KCTD19: variants seen among roughly 807,000 people sequenced by gnomAD.
The protein encoded by KCTD19 is BTB/POZ domain-containing protein KCTD19.
A neutral mutation model predicts 103.5 loss-of-function variants in KCTD19; 67 were observed. The ratio of observed to expected loss-of-function variants is 0.65; its 90% confidence interval spans 0.53 to 0.79. The LOEUF (loss-of-function observed/expected upper bound fraction) is 0.79. KCTD19 is among the 30% of genes least tolerant of loss of function. The pLI, the probability that KCTD19 is intolerant of heterozygous loss-of-function variation, is 0.00. For synonymous variants in KCTD19, 439 were observed against 452.2 expected (o/e 0.97, Z 0.37); for missense variants, 980 against 1,136.1 (o/e 0.86, Z 1.98).
intron 8 of KCTD19, chr16:67,295,775 C>T (rs1385385741): frequency 6.3e-6 from 2 of 319,914 alleles, no homozygotes; most frequent in Middle Eastern, 1.0e-3. Flanking sequence ...GGCAGAGTCA[C>T]ACTCCGTCAC....
At chr16:67,317,877 C>T (rs2037029212) in intron 2 of KCTD19, among the ~76,000 whole-genome samples, 1 of 152,172 alleles carries the variant, frequency 6.6e-6, no homozygotes, top group East Asian at 1.9e-4. Context: ...TTAAGTTGGG[C>T]TGCCTGAGTA....
At chr16:67,306,772 T>C (rs890608105) in intron 2 of KCTD19, among the ~76,000 whole-genome samples, 10 of 152,220 alleles carry the variant, frequency 6.6e-5, no homozygotes, top group Non-Finnish European at 1.3e-4. Flanking sequence ...GAGTAGGGTA[T>C]ACACGAAAAG....
rs767157021 is a variant in KCTD19 at position 67,320,643 on chromosome 16, T to C, written c.246A>G (p.Glu82=). 7.4e-6 allele frequency: 12 copies of C among 1,614,218 alleles called. No homozygotes were observed. The highest frequency in any genetic ancestry group is 9.3e-6 in the Non-Finnish European group (11 of 1,180,036). Residue 82 remains glutamate (E), a synonymous_variant, in exon 2 of 16, where the codon GAA becomes GAG. Coordinates refer to ENST00000304372, the MANE Select transcript of KCTD19 (RefSeq NM_001100915.3). This position sits in a 1 kb window ranked among gnomAD's most constrained non-coding sequence, Gnocchi z 4.0. ...TSKLSFSSCA[E]LNLLYEQALG... is the part of the protein sequence containing the mutation. ...ATGCTTGCTCATACAGCAAGTTCAG[T>C]TCTGCACAACTGGAGAAGGAGAGTT... is the stretch of plus-strand genomic sequence containing the variant.
intron 6 of KCTD19, 29 bp downstream of exon 6, chr16:67,299,334 G>A (rs2036805387): frequency 1.2e-6 from 2 of 1,601,388 alleles, no homozygotes; most frequent in Non-Finnish European, 1.7e-6. Context: ...AGGGTGATGG[G>A]ACTCAGTGTG....
At chr16:67,312,237 A>G (rs933373570) in intron 2 of KCTD19, among the ~76,000 whole-genome samples, 3 of 152,222 alleles carry the variant, frequency 2.0e-5, no homozygotes, top group Admixed American at 2.0e-4. Flanking sequence ...ATAATTTGCC[A>G]TGAAACTTAA....
chr16:67,307,752 C>T (rs2036909564), intron 2 of KCTD19, among the ~76,000 whole-genome samples: 1 of 152,184 alleles, frequency 6.6e-6, no homozygotes. Flanking sequence ...CTGGGCCAGA[C>T]CCATCACCTC....
rs369803171 is a variant in KCTD19, at chr16:67,321,047, C to G, written c.4-162G>C. Reference sequence around the variant, plus strand: ...AAAACTATTAGAAATAAGTCCAGGCCAGGCATGGTGGTTCACACCTGTAAT... The same window carrying G: ...AAAACTATTAGAAATAAGTCCAGGCGAGGCATGGTGGTTCACACCTGTAAT... On this transcript the variant is annotated intron_variant, in intron 1 of 15. Transcript: ENST00000304372. Among the ~76,000 whole-genome samples the G allele has an allele frequency of 2.6e-5, 4 of 152,072 alleles. No homozygotes were observed. In the South Asian group the frequency reaches 6.2e-4, roughly 24 times the overall value.
rs567420800 is a variant in KCTD19, at chr16:67,293,641, C to CGCTCCA, written c.2115_2120dup (p.Gly706_Ala707dup). On this transcript the variant is annotated inframe_insertion, in exon 12 of 16. Coordinates refer to ENST00000304372, the MANE Select transcript of KCTD19 (RefSeq NM_001100915.3). This position sits in a 1 kb window ranked among gnomAD's most constrained non-coding sequence, Gnocchi z 4.0. ...AGGTTGGCTCTGGCCCCTTGTCTTT[C>CGCTCCA]GCTCCAGCTCCAGCCCCTGCCTGTG... 2.1e-3 allele frequency: 3,358 copies of CGCTCCA among 1,613,982 alleles called. 5 individuals are homozygous for CGCTCCA. The highest frequency in any genetic ancestry group is 2.4e-3 in the Non-Finnish European group (2,801 of 1,180,024).
At chr16:67,310,628 C>T (rs1597397771) in intron 2 of KCTD19, among the ~76,000 whole-genome samples, 1 of 152,092 alleles carries the variant, frequency 6.6e-6, no homozygotes. Context: ...AAAAATATGT[C>T]AATCAGAAGC....
Position 67,290,946 on chromosome 16 carries a change from A to C in KCTD19, c.2606T>G (p.Leu869Arg). Reference sequence around the variant, plus strand: ...GTCATCCTTGAAGCCGGTGATGGCCAGCAAATCTACCACAAACTGCTTGGG... The same window carrying C: ...GTCATCCTTGAAGCCGGTGATGGCCCGCAAATCTACCACAAACTGCTTGGG... ...ISPKQFVVDL[L>R]AITGFKDDRH... The change falls in exon 15 of 16, where the codon CTG (leucine) becomes CGG (arginine). Residue 869 changes from leucine to arginine, a missense_variant. By Grantham distance (102) the Leu-to-Arg change is moderately radical. Transcript: ENST00000304372. The C allele has an allele frequency of 2.5e-6, 4 of 1,614,178 alleles. No individual in the cohort carries two copies. The highest frequency in any genetic ancestry group is 3.4e-6 in the Non-Finnish European group (4 of 1,180,012).
At chr16:67,297,443 C>T in intron 7 of KCTD19, 60 bp downstream of exon 7, 2 of 1,523,374 alleles carry the variant, frequency 1.3e-6, no homozygotes, top group Non-Finnish European at 1.8e-6. Context: ...CATCTATTCC[C>T]TCCAATCTCC....
intron 5 of KCTD19, 93 bp downstream of exon 5, chr16:67,301,698 G>T: frequency 1.6e-6 from 2 of 1,225,450 alleles, no homozygotes; most frequent in Non-Finnish European, 2.4e-6. Context: ...AACCCCCAAA[G>T]CCCGAAGTGA....
intron 12 of KCTD19, among the ~76,000 whole-genome samples, chr16:67,292,897 C>T (rs1254998012): frequency 6.6e-6 from 1 of 152,124 alleles, no homozygotes; most frequent in East Asian, 1.9e-4. Context: ...CCTTGCAGTC[C>T]CACAGGCTAG....
intron 9 of KCTD19, 28 bp from the exon 10 acceptor site, chr16:67,295,084 G>T: frequency 1.2e-6 from 2 of 1,600,702 alleles, no homozygotes; most frequent in South Asian, 1.1e-5. Flanking sequence ...ATATCCAGCT[G>T]GGCAGCTAGG....
rs1567446533 is a variant in KCTD19, at chr16:67,291,814, G to C, written c.2242C>G (p.Leu748Val). The C allele has an allele frequency of 1.2e-6, 2 of 1,610,732 alleles. No individual in the cohort carries two copies. The highest frequency in any genetic ancestry group is 1.7e-6 in the Non-Finnish European group (2 of 1,177,700). ...ERESPAPEQP[L>V]PEASEVDSLG... ...CTGTCCACCTCACTGGCCTCGGGCA[G>C]AGGCTGCTCAGGGGCAGGGCTTTCT... is the stretch of plus-strand genomic sequence containing the variant. Residue 748 changes from leucine (L) to valine (V), a missense_variant, in exon 13 of 16, where the codon CTG becomes GTG. Leu to Val is a conservative substitution (Grantham distance 32). Transcript: ENST00000304372.
rs1479463855 is a variant in KCTD19 at position 67,289,670 on chromosome 16, A to C, written c.2680T>G (p.Phe894Val). The C allele has an allele frequency of 1.2e-6, 2 of 1,613,554 alleles. No individual in the cohort carries two copies. The highest frequency in any genetic ancestry group is 1.7e-6 in the Non-Finnish European group (2 of 1,179,578). The change falls in exon 16 of 16, where the codon TTC becomes GTC. Residue 894 changes from phenylalanine to valine, a missense_variant. By Grantham distance (50) the Phe-to-Val change is conservative (BLOSUM62 -1). Transcript: ENST00000304372. Reference sequence around the variant, plus strand: ...ATGCATCGGCCATATTTCCTGGCGAAGGGCAGTGTAAGCTGGAAGGAAAGG... The same window carrying C: ...ATGCATCGGCCATATTTCCTGGCGACGGGCAGTGTAAGCTGGAAGGAAAGG... ...LYSWVELTLP[F>V]ARKYGRCMDL...
intron 1 of KCTD19, among the ~76,000 whole-genome samples, chr16:67,325,199 C>CTTTTTTTTTTTTTTTTTTTTTTTTTT (rs918808425): frequency 3.8e-5 from 5 of 132,334 alleles, no homozygotes; most frequent in African/African-American, 1.7e-4. Flanking sequence ...TTCTTTTTTT[C>CTTTTTTTTTTTTTTTTTTTTTTTTTT]TTTTTTTCTT....
intron 3 of KCTD19, 55 bp downstream of exon 3, chr16:67,304,366 G>A (rs893029690): frequency 2.6e-6 from 4 of 1,568,176 alleles, no homozygotes; most frequent in Non-Finnish European, 3.5e-6. Flanking sequence ...CTGTTAGGGT[G>A]AGGAGAGGGA....
In KCTD19 at chr16:67,300,891, G is replaced by T. The variant is rs2036825949; in HGVS notation, c.775+900C>A. The T allele has an allele frequency of 6.6e-6, 1 of 152,192 alleles. No individual in the cohort carries two copies. The highest frequency in any genetic ancestry group is 6.5e-5 in the Admixed American group (1 of 15,282). 9.4% of individuals were successfully genotyped at this position (152,192 alleles called of 1,614,324 possible). ...ACTCCTGACCTCAAGTGAGCCACTT[G>T]CGTTGGCCTCTCAAAATGCTGAGAT... On this transcript the variant is annotated intron_variant, in intron 5 of 15. Transcript: ENST00000304372. The surrounding 1 kb of genome is among the most constrained non-coding windows in gnomAD (Gnocchi z 4.5).
Sources: gnomAD v4.1 joint callset for allele counts (sites outside exome capture counted in the v4.1 genomes callset) on GRCh38, gnomAD v4.1.1 for gene constraint, Gnocchi (gnomAD v3.1) non-coding constraint, MANE v1.5 for transcripts, NCBI Gene and HGNC (gene_info 2026-07-23, HGNC 2026-07-21) for gene names.